Variants in CDHR3 observed in about 807,000 individuals in gnomAD.
CDHR3 encodes cadherin related family member 3.
CDHR3 carries 79 observed loss-of-function variants against 86.6 expected under a neutral mutation model. That is an observed-to-expected ratio of 0.91 (90% CI 0.76 to 1.10). The LOEUF (loss-of-function observed/expected upper bound fraction) is 1.10. Ranked by LOEUF, CDHR3 falls within the 50% of genes least tolerant of loss-of-function variation. CDHR3 has a pLI of 0.00. For missense variants in CDHR3, 1,081 were observed against 1,077.6 expected (o/e 1.00, Z -0.04); for synonymous variants, 421 against 402.4 (o/e 1.05, Z -0.55).
intron 6 of CDHR3, among the ~76,000 whole-genome samples, chr7:105,997,730 C>T (rs559870450): frequency 6.6e-6 from 1 of 152,146 alleles, no homozygotes; most frequent in East Asian, 1.9e-4. Flanking sequence ...ATAAGTCCTC[C>T]CCAGGGGCAG....
chr7:105,965,574 C>A (rs1008884169), intron 1 of CDHR3, among the ~76,000 whole-genome samples: 2 of 121,654 alleles, frequency 1.6e-5, no homozygotes, highest in African/African-American at 2.7e-5. Context: ...CCCACCCCCC[C>A]CCATGGAGTC....
chr7:106,012,756 T>C (rs889353553), intron 8 of CDHR3, 104 bp from the exon 9 acceptor site: 2 of 1,245,288 alleles, frequency 1.6e-6, no homozygotes, highest in East Asian at 2.4e-5. Flanking sequence ...TGGACTTACT[T>C]TGAATTGCAG....
At chr7:105,967,728 T>A (rs1827201562) in intron 1 of CDHR3, among the ~76,000 whole-genome samples, 1 of 152,262 alleles carries the variant, frequency 6.6e-6, no homozygotes, top group Admixed American at 6.5e-5. Context: ...TTTTTTCATG[T>A]GTCTGTTGGC....
intron 4 of CDHR3, among the ~76,000 whole-genome samples, chr7:105,986,499 G>A (rs970701793): frequency 6.6e-6 from 1 of 152,200 alleles, no homozygotes; most frequent in Non-Finnish European, 1.5e-5. Context: ...TAACAAAGAA[G>A]AGATTAACAA....
At chr7:106,029,745 C>T (rs1465276209) in intron 17 of CDHR3, among the ~76,000 whole-genome samples, 1 of 152,150 alleles carries the variant, frequency 6.6e-6, no homozygotes, top group African/African-American at 2.4e-5. Flanking sequence ...GTGCAGGGCA[C>T]TGGAATTTTG....
intron 5 of CDHR3, 77 bp downstream of exon 5, chr7:105,994,922 C>A (rs1266382761): frequency 2.5e-6 from 3 of 1,192,078 alleles, no homozygotes; most frequent in African/African-American, 3.0e-5. Context: ...GGTCACAGTG[C>A]AACCTGAGGG....
At chr7:106,031,206 C>T (rs887964136) in intron 18 of CDHR3, among the ~76,000 whole-genome samples, 16 of 152,168 alleles carry the variant, frequency 1.1e-4, no homozygotes, top group African/African-American at 1.4e-4. Flanking sequence ...GATTGCCCCC[C>T]CCAGCCCATC....
rs105347 is a variant in CDHR3 at position 106,030,546 on chromosome 7, T to C, written c.2305-246T>C. ...CCTACCTGTGCCCCATAACACCCTATATCTCCCCATCATAGCCTTATTACT... is the reference window on the plus strand; with the variant it reads ...CCTACCTGTGCCCCATAACACCCTACATCTCCCCATCATAGCCTTATTACT... On this transcript the variant is annotated intron_variant, in intron 17 of 18. Transcript: ENST00000317716. The surrounding 1 kb of genome is among the most constrained non-coding windows in gnomAD (Gnocchi z 4.8). Among the ~76,000 whole-genome samples the C allele has an allele frequency of 0.54, 81,538 of 152,042 alleles. 22,375 individuals are homozygous for C. The highest frequency in any genetic ancestry group is 0.64 in the Middle Eastern group (188 of 294).
chr7:106,026,753 G>T (rs79367630), intron 16 of CDHR3, 58 bp downstream of exon 16: 3 of 1,578,414 alleles, frequency 1.9e-6, no homozygotes, highest in Admixed American at 1.7e-5. Flanking sequence ...GTTGTGCTAC[G>T]TAAAAAGGTT....
intron 1 of CDHR3, among the ~76,000 whole-genome samples, chr7:105,969,178 C>T (rs1233359026): frequency 2.7e-5 from 4 of 148,180 alleles, no homozygotes; most frequent in Admixed American, 6.7e-5. Context: ...GGGCGGATCA[C>T]GAGGTCAGGA....
intron 6 of CDHR3, among the ~76,000 whole-genome samples, chr7:106,000,919 ACAAGG>A (rs1833058673): frequency 8.0e-6 from 1 of 124,314 alleles, no homozygotes; most frequent in Non-Finnish European, 1.8e-5. Context: ...AAAAAAAAAG[ACAAGG>A]AAGAAAAAAA....
Position 106,032,795 on chromosome 7 carries a change from C to T in CDHR3, c.*98C>T. 1 of 1,286,396 alleles carries T rather than the reference C, an allele frequency of 7.8e-7. No individual in the cohort carries two copies. The highest frequency in any genetic ancestry group is 1.1e-6 in the Non-Finnish European group (1 of 950,494). The allele number at this position is 1,286,396 out of a possible 1,614,324, so 79.7% of individuals were successfully genotyped here. A position where few individuals can be genotyped will look rare whatever the true frequency, so the allele number is the denominator to read the frequency against. On this transcript the variant is annotated 3_prime_UTR_variant, in exon 19 of 19. Coordinates refer to ENST00000317716, the MANE Select transcript of CDHR3 (RefSeq NM_152750.5). ...CATGGTGTAGGGGGGAAAATGTGGGCTGAGGGGATTCAGACATCCAGGGTC... is the reference window on the plus strand; with the variant it reads ...CATGGTGTAGGGGGGAAAATGTGGGTTGAGGGGATTCAGACATCCAGGGTC...
In CDHR3 at chr7:105,976,035, G is replaced by A. The variant is rs115862831; in HGVS notation, c.249+989G>A. On this transcript the variant is annotated intron_variant, in intron 2 of 18. Coordinates refer to ENST00000317716, the MANE Select transcript of CDHR3 (RefSeq NM_152750.5). ...TTCTCATCACCCTGGGGGAGCCCTCGGGGAGGTAAGGAGCACACATTCAGT... is the reference window on the plus strand; with the variant it reads ...TTCTCATCACCCTGGGGGAGCCCTCAGGGAGGTAAGGAGCACACATTCAGT... Among the ~76,000 whole-genome samples the A allele has an allele frequency of 7.8e-3, 1,188 of 152,266 alleles. 22 individuals are homozygous for A. Among genetic ancestry groups the A allele is most frequent in the African/African-American group, 0.026 (1,093 of 41,542 alleles).
rs906541129 is a variant in CDHR3, at chr7:106,032,780, G to C, written c.*83G>C. The C allele has an allele frequency of 2.8e-6, 4 of 1,405,136 alleles. No individual in the cohort carries two copies. The highest frequency in any genetic ancestry group is 2.9e-5 in the African/African-American group (2 of 69,366). 87.0% of individuals were successfully genotyped at this position (1,405,136 alleles called of 1,614,324 possible). On this transcript the variant is annotated 3_prime_UTR_variant, in exon 19 of 19. Coordinates refer to ENST00000317716, the MANE Select transcript of CDHR3 (RefSeq NM_152750.5). The stretch of plus-strand genomic sequence containing the variant: ...TGGGGATGGTGTGGGCATGGTGTAG[G>C]GGGGAAAATGTGGGCTGAGGGGATT...
At chr7:106,006,687 C>A (rs1185223220) in intron 8 of CDHR3, among the ~76,000 whole-genome samples, 2 of 152,216 alleles carry the variant, frequency 1.3e-5, no homozygotes, top group Non-Finnish European at 2.9e-5. Flanking sequence ...AGCTCCATTC[C>A]TGTGGCTTTG....
chr7:106,018,540 A>G (rs1836022863), intron 12 of CDHR3, among the ~76,000 whole-genome samples: 1 of 152,008 alleles, frequency 6.6e-6, no homozygotes, highest in African/African-American at 2.4e-5. Flanking sequence ...CCAGCCCCAT[A>G]TTTTTTTGAG....
chr7:105,990,234 C>A (rs1290385289), intron 4 of CDHR3, among the ~76,000 whole-genome samples: 1 of 152,164 alleles, frequency 6.6e-6, no homozygotes, highest in Admixed American at 6.5e-5. Flanking sequence ...TTAATAATAG[C>A]ATTTTGCATT....
intron 12 of CDHR3, among the ~76,000 whole-genome samples, chr7:106,018,719 TG>T (rs936836956): frequency 6.6e-6 from 1 of 152,086 alleles, no homozygotes; most frequent in Non-Finnish European, 1.5e-5. Flanking sequence ...TCCTAGAAGT[TG>T]AGTGTGGTTT....
chr7:105,972,398 C>T (rs534333142), intron 1 of CDHR3, among the ~76,000 whole-genome samples: 6 of 152,030 alleles, frequency 3.9e-5, no homozygotes, highest in East Asian at 3.9e-4. Flanking sequence ...TGGAGGGGCA[C>T]GAGTCACTGG....
Sources: allele counts gnomAD v4.1 joint callset (sites outside exome capture counted in the v4.1 genomes callset), GRCh38; gene constraint gnomAD v4.1.1; non-coding constraint Gnocchi (gnomAD v3.1); transcripts MANE v1.5; gene names NCBI Gene and HGNC (gene_info 2026-07-23, HGNC 2026-07-21).